MROH9: variants seen among roughly 807,000 people sequenced by gnomAD.
MROH9 encodes the protein maestro heat-like repeat-containing protein family member 9.
MROH9 carries 92 observed loss-of-function variants against 98.2 expected under a neutral mutation model. The ratio of observed to expected loss-of-function variants is 0.94; its 90% CI spans 0.79 to 1.11. The LOEUF (loss-of-function observed/expected upper bound fraction) is 1.11. MROH9 is among the 50% of genes most tolerant of loss of function. The pLI is 0.00. For missense variants in MROH9, 1,057 were observed against 1,014.8 expected (o/e 1.04, Z -0.57); for synonymous variants, 397 against 368.9 (o/e 1.08, Z -0.87).
chr1:171,014,014 G>A (rs1652246915), intron 15 of MROH9, 103 bp from the exon 16 acceptor site: 2 of 920,960 alleles, frequency 2.2e-6, no homozygotes, highest in Non-Finnish European at 3.2e-6. Context: ...ATGTTTTAGT[G>A]AGATTTGCAT....
chr1:170,941,481 C>T lies in MROH9; in HGVS notation c.-37-4039C>T, dbSNP rs574437011. ...AATCAAATAAGAATTTAATAGGCCT[C>T]CTATCTGTTTAACTTCTAGGAACAC... On this transcript the variant is annotated intron_variant, in intron 1 of 21. Transcript: ENST00000367759. 1.1e-4 allele frequency among the ~76,000 whole-genome samples: 16 copies of T among 152,148 alleles called. 1 individual carries two copies. In the South Asian group the frequency reaches 3.3e-3, roughly 32 times the overall value.
intron 15 of MROH9, 143 bp downstream of exon 15, chr1:170,998,417 G>T: frequency 6.2e-7 from 1 of 1,600,334 alleles, no homozygotes. Flanking sequence ...TCTGAAGTCG[G>T]ATGGGGAGAG....
Position 171,014,240 on chromosome 1 carries a change from C to T in MROH9, c.1720C>T (p.Pro574Ser), listed in dbSNP as rs1299265131. The T allele has an allele frequency of 6.4e-7, 1 of 1,550,762 alleles. No individual in the cohort carries two copies. The highest frequency in any genetic ancestry group is 2.4e-5 in the East Asian group (1 of 40,842). The stretch of plus-strand genomic sequence containing the variant: ...CCTTCATAGAATTGTCCACATGTCA[C>T]CAATTATCAATAAGGTATGTGTATG... The part of the protein sequence containing the change: ...LILHRIVHMS[P>S]IINKTENVSS... The change falls in exon 16 of 22, where the codon CCA becomes TCA. Residue 574 changes from proline (P) to serine (S), a missense_variant. By Grantham distance (74) the Pro-to-Ser change is moderately conservative. Transcript: ENST00000367759.
At chr1:170,992,427 G>A (rs923680247) in intron 12 of MROH9, 98 bp downstream of exon 12, 31 of 1,266,700 alleles carry the variant, frequency 2.4e-5, no homozygotes, top group Non-Finnish European at 3.3e-5. Flanking sequence ...TCTTAACACA[G>A]TCCTCTTCTC....
intron 3 of MROH9, among the ~76,000 whole-genome samples, chr1:170,948,482 T>C (rs541567411): frequency 8.5e-5 from 13 of 152,156 alleles, no homozygotes; most frequent in African/African-American, 2.9e-4. Flanking sequence ...GTATAGTCCA[T>C]AGAGTCAGAA....
intron 14 of MROH9, among the ~76,000 whole-genome samples, chr1:170,997,080 G>T (rs757231824): frequency 2.1e-4 from 32 of 152,178 alleles, no homozygotes; most frequent in South Asian, 8.3e-4. Context: ...TATTTTTCTT[G>T]TACTGGAAAG....
intron 8 of MROH9, among the ~76,000 whole-genome samples, chr1:170,975,142 A>T (rs1443272370): frequency 6.6e-6 from 1 of 152,052 alleles, no homozygotes; most frequent in Non-Finnish European, 1.5e-5. Flanking sequence ...AATAAATGTA[A>T]ATATTCTAAA....
chr1:171,036,267 TTG>T (rs1653095182), intron 20 of MROH9, among the ~76,000 whole-genome samples: 1 of 152,138 alleles, frequency 6.6e-6, no homozygotes, highest in African/African-American at 2.4e-5. Flanking sequence ...TGGTAATGTC[TTG>T]TGTCTTGACC....
At chr1:171,012,103 T>G (rs1251156684) in intron 15 of MROH9, among the ~76,000 whole-genome samples, 1 of 152,074 alleles carries the variant, frequency 6.6e-6, no homozygotes, top group Non-Finnish European at 1.5e-5. Context: ...TTATTGTTTT[T>G]TATTTTGTTG....
intron 9 of MROH9, among the ~76,000 whole-genome samples, chr1:170,984,593 C>T (rs1651059343): frequency 6.6e-6 from 1 of 152,130 alleles, no homozygotes; most frequent in Non-Finnish European, 1.5e-5. Flanking sequence ...CATGACTGGG[C>T]TAGTGAACCT....
At chr1:170,979,315 A>G (rs1650836912) in intron 8 of MROH9, among the ~76,000 whole-genome samples, 1 of 152,230 alleles carries the variant, frequency 6.6e-6, no homozygotes, top group Admixed American at 6.5e-5. Flanking sequence ...GTGCACTGTC[A>G]TTAGTTCTAT....
At chr1:170,946,208 T>G (rs78450353) in intron 2 of MROH9, among the ~76,000 whole-genome samples, 3,594 of 152,102 alleles carry the variant, frequency 0.024, 150 homozygotes, top group African/African-American at 0.081. Flanking sequence ...ATCTTGTATT[T>G]TTTTCATGAT....
At chr1:170,972,859 C>CACACAA (rs1491458716) in intron 8 of MROH9, among the ~76,000 whole-genome samples, 8 of 141,292 alleles carry the variant, frequency 5.7e-5, no homozygotes, top group African/African-American at 2.1e-4. Flanking sequence ...CACACACACA[C>CACACAA]AGAGTTTTCA....
intron 20 of MROH9, among the ~76,000 whole-genome samples, chr1:171,052,812 T>C (rs1315213852): frequency 6.6e-6 from 1 of 152,188 alleles, no homozygotes; most frequent in Non-Finnish European, 1.5e-5. Flanking sequence ...TGCAGGCTCC[T>C]AATGCAGGTG....
intron 16 of MROH9, chr1:171,015,201 T>C (rs1652287362): frequency 2.6e-6 from 1 of 380,524 alleles, no homozygotes; most frequent in Non-Finnish European, 5.2e-6. Flanking sequence ...GCATTTAGAA[T>C]GACATAAGCC....
At chr1:171,054,452 C>T (rs1232608740) in intron 20 of MROH9, among the ~76,000 whole-genome samples, 1 of 152,124 alleles carries the variant, frequency 6.6e-6, no homozygotes, top group Non-Finnish European at 1.5e-5. Flanking sequence ...TCAGAAAAAC[C>T]TTTCTAGGCA....
At chr1:170,990,582 A>C (rs917792996) in intron 11 of MROH9, among the ~76,000 whole-genome samples, 1 of 152,214 alleles carries the variant, frequency 6.6e-6, no homozygotes, top group African/African-American at 2.4e-5. Flanking sequence ...AGAGCTTAGA[A>C]AAATCACACC....
chr1:170,959,200 C>T (rs924114826), intron 4 of MROH9, among the ~76,000 whole-genome samples: 2 of 151,902 alleles, frequency 1.3e-5, no homozygotes, highest in African/African-American at 4.8e-5. Context: ...ATGGTGAAAC[C>T]CCGTCTCTAC....
At chr1:170,939,612 T>C (rs1649038462) in intron 1 of MROH9, among the ~76,000 whole-genome samples, 1 of 152,208 alleles carries the variant, frequency 6.6e-6, no homozygotes, top group African/African-American at 2.4e-5. Flanking sequence ...TTATGTAATT[T>C]ACTTGTGCCT....
Sources: gnomAD v4.1 joint callset for allele counts (sites outside exome capture counted in the v4.1 genomes callset) on GRCh38, gnomAD v4.1.1 for gene constraint, MANE v1.5 for transcripts, NCBI Gene and HGNC (gene_info 2026-07-23, HGNC 2026-07-21) for gene names.